MRPL42: variants seen among roughly 807,000 people sequenced by gnomAD.
MRPL42 encodes mitochondrial ribosomal protein L42, also known as large ribosomal subunit protein mL42.
MRPL42 carries 17 observed loss-of-function variants against 17.9 expected under a neutral mutation model. The ratio of observed to expected loss-of-function variants is 0.95; its 90% CI spans 0.65 to 1.42. The LOEUF (loss-of-function observed/expected upper bound fraction) is 1.42. Among genes scored for constraint, MRPL42 ranks in the 40% most tolerant of loss-of-function variants. MRPL42 has a pLI of 0.00. For missense variants in MRPL42, 177 were observed against 175.2 expected, an observed-to-expected ratio of 1.01 and a Z score of -0.06; for synonymous variants, 59 against 54.4, an observed-to-expected ratio of 1.08 and a Z score of -0.37.
rs1953711125 is a variant in MRPL42 at position 93,509,932 on chromosome 12, A to C, written c.*8711A>C. 6.6e-6 allele frequency: 1 copy of C among 152,046 alleles called. No individual in the cohort carries two copies. Among genetic ancestry groups the C allele is most frequent in the Admixed American group, 6.6e-5 (1 of 15,254 alleles). The allele number at this position is 152,046 out of a possible 1,614,324, so 9.4% of individuals were successfully genotyped here. A position where few individuals can be genotyped will look rare whatever the true frequency, so the allele number is the denominator to read the frequency against. On this transcript the variant is annotated 3_prime_UTR_variant, in exon 6 of 6. Transcript: ENST00000549982. ...GTGGCACATTGGTTACAATTGATAA[A>C]CCTACACTGACACATCATTATCACC...
chr12:93,487,530 G>C lies in MRPL42; in HGVS notation c.253G>C (p.Glu85Gln), dbSNP rs903484723. Reference protein sequence around the residue: ...IPRPDPVHNNEETHDQVLKTR... With the variant: ...IPRPDPVHNNQETHDQVLKTR... ...TCGGCCAGATCCTGTGCATAATAAT[G>C]AAGAAACACATGATCAAGTGCTGAA... The change falls in exon 5 of 6, where the codon GAA (glutamate) becomes CAA (glutamine). Residue 85 changes from glutamate (E) to glutamine (Q), a missense_variant. Transcript: ENST00000549982. The C allele has an allele frequency of 1.2e-6, 2 of 1,613,834 alleles. No homozygotes were observed. Among genetic ancestry groups the C allele is most frequent in the East Asian group, 4.5e-5 (2 of 44,864 alleles).
chr12:93,482,860 A>G (rs968634546), intron 4 of MRPL42, among the ~76,000 whole-genome samples: 2 of 151,386 alleles, frequency 1.3e-5, no homozygotes, highest in Non-Finnish European at 1.5e-5. Flanking sequence ...TGCCGGGCTT[A>G]CAAGCATGAG....
intron 5 of MRPL42, among the ~76,000 whole-genome samples, chr12:93,499,454 AT>A (rs1179890536): frequency 6.6e-6 from 1 of 152,190 alleles, no homozygotes; most frequent in East Asian, 1.9e-4. Flanking sequence ...CCTATTCAAA[AT>A]TTTTACAAAT....
Position 93,509,080 on chromosome 12 carries a change from C to A in MRPL42, c.*7859C>A, listed in dbSNP as rs1223423237. 6.6e-6 allele frequency: 1 copy of A among 150,878 alleles called. No homozygotes were observed. The highest frequency in any genetic ancestry group is 1.5e-5 in the Non-Finnish European group (1 of 67,974). 9.3% of individuals were successfully genotyped at this position (150,878 alleles called of 1,614,324 possible). On this transcript the variant is annotated 3_prime_UTR_variant, in exon 6 of 6. Coordinates refer to ENST00000549982, the MANE Select transcript of MRPL42 (RefSeq NM_014050.4). Reference sequence around the variant, plus strand: ...GCAGGCATCTGTAATCCTAGCTACTCAGGAGGCTGAGGCAGGAGAATCCCT... The same window carrying A: ...GCAGGCATCTGTAATCCTAGCTACTAAGGAGGCTGAGGCAGGAGAATCCCT...
intron 2 of MRPL42, among the ~76,000 whole-genome samples, chr12:93,471,239 C>T (rs1248136300): frequency 1.3e-5 from 2 of 152,174 alleles, no homozygotes; most frequent in Non-Finnish European, 2.9e-5. Context: ...TCTTGGCACA[C>T]TGCAACTTCT....
At position 93,487,642 on chromosome 12, in the gene MRPL42, G is replaced by A. The variant is rs770411356; in HGVS notation, c.365G>A (p.Arg122His). 48 of 1,611,784 alleles carry A rather than the reference G, an allele frequency of 3.0e-5. No homozygotes were observed. The highest frequency in any genetic ancestry group is 6.7e-5 in the African/African-American group (5 of 74,756). ...AAAATGTTCTTTACTACTAAGCACC[G>A]TTGGTATCCTCATGGACGGTAAGTT... ...LSKMFFTTKHRWYPHGRYHRC... is the reference protein window; with the variant it reads ...LSKMFFTTKHHWYPHGRYHRC... The change falls in exon 5 of 6, where the codon CGT becomes CAT. Residue 122 changes from arginine (R) to histidine (H), a missense_variant. Coordinates refer to ENST00000549982, the MANE Select transcript of MRPL42 (RefSeq NM_014050.4).
intron 4 of MRPL42, 129 bp from the exon 5 acceptor site, chr12:93,487,368 T>A: frequency 1.3e-6 from 1 of 748,994 alleles, no homozygotes; most frequent in Non-Finnish European, 2.0e-6. Context: ...TTTGTTTTGA[T>A]AACTTATTTG....
At chr12:93,470,521 G>A in intron 2 of MRPL42, 1 of 1,293,804 alleles carries the variant, frequency 7.7e-7, no homozygotes, top group East Asian at 5.6e-5. Context: ...TTACGTGGAT[G>A]TATTACATAT....
chr12:93,501,466 C>T lies in MRPL42; in HGVS notation c.*245C>T, dbSNP rs1482565887. 6 of 284,586 alleles carry T rather than the reference C, an allele frequency of 2.1e-5. No homozygotes were observed. The highest frequency in any genetic ancestry group is 3.9e-5 in the Non-Finnish European group (6 of 155,192). 17.6% of individuals were successfully genotyped at this position (284,586 alleles called of 1,614,324 possible). A position where few individuals can be genotyped will look rare whatever the true frequency, so the allele number is the denominator to read the frequency against. ...GTGCGGTCTCCAATTTAGGACTTTTCCATAGTGCCAAAGCCATACATATTC... is the reference window on the plus strand; with the variant it reads ...GTGCGGTCTCCAATTTAGGACTTTTTCATAGTGCCAAAGCCATACATATTC... On this transcript the variant is annotated 3_prime_UTR_variant, in exon 6 of 6. Transcript: ENST00000549982.
intron 5 of MRPL42, among the ~76,000 whole-genome samples, chr12:93,492,009 C>T (rs1281105953): frequency 6.6e-6 from 1 of 152,122 alleles, no homozygotes; most frequent in Non-Finnish European, 1.5e-5. Flanking sequence ...TTTCTTTATC[C>T]AGTTCACCAT....
chr12:93,497,288 T>C (rs1953523818), intron 5 of MRPL42, among the ~76,000 whole-genome samples: 1 of 151,966 alleles, frequency 6.6e-6, no homozygotes, highest in African/African-American at 2.4e-5. Context: ...AAAACAAAAC[T>C]ATGGGCCAGT....
rs778624535 is a variant in MRPL42 at position 93,469,257 on chromosome 12, A to C, written c.-29A>C. Reference sequence around the variant, plus strand: ...GTTTCTCTTCAGAACATCTTTTTTCATACCACTTGATAAGCATCTTGAAAC... The same window carrying C: ...GTTTCTCTTCAGAACATCTTTTTTCCTACCACTTGATAAGCATCTTGAAAC... On this transcript the variant is annotated 5_prime_UTR_variant, in exon 2 of 6. Transcript: ENST00000549982. 1 of 1,571,292 alleles carries C rather than the reference A, an allele frequency of 6.4e-7. No individual in the cohort carries two copies. Among genetic ancestry groups the C allele is most frequent in the South Asian group, 1.2e-5 (1 of 85,134 alleles).
rs983675428 is a variant in MRPL42, at chr12:93,514,744, C to T, written c.*13523C>T. 6.6e-6 allele frequency: 1 copy of T among 151,946 alleles called. No homozygotes were observed. The highest frequency in any genetic ancestry group is 1.5e-5 in the Non-Finnish European group (1 of 67,980). 9.4% of individuals were successfully genotyped at this position (151,946 alleles called of 1,614,324 possible). On this transcript the variant is annotated 3_prime_UTR_variant, in exon 6 of 6. Transcript: ENST00000549982. Reference sequence around the variant, plus strand: ...TATTTTTCTTTAAGCTTTATTTTTTCTTATTATCCATATGACATGTTTCCA... The same window carrying T: ...TATTTTTCTTTAAGCTTTATTTTTTTTTATTATCCATATGACATGTTTCCA...
In MRPL42 at chr12:93,480,386, G is replaced by A. The variant is rs367946490; in HGVS notation, c.219+914G>A. ...TCCGCCTGCCTCGGCCTCCCAAAGC[G>A]CTGGGATTACAGGCATGAGCCACCG... On this transcript the variant is annotated intron_variant, in intron 4 of 5. Coordinates refer to ENST00000549982, the MANE Select transcript of MRPL42 (RefSeq NM_014050.4). Among the ~76,000 whole-genome samples the A allele has an allele frequency of 1.2e-4, 18 of 152,104 alleles. No individual in the cohort carries two copies. In the East Asian group the frequency reaches 2.9e-3, roughly 25 times the overall value.
chr12:93,510,026 A>G lies in MRPL42; in HGVS notation c.*8805A>G, dbSNP rs1953711823. 6.6e-6 allele frequency: 1 copy of G among 152,176 alleles called. No individual in the cohort carries two copies. Among genetic ancestry groups the G allele is most frequent in the African/African-American group, 2.4e-5 (1 of 41,418 alleles). The allele number at this position is 152,176 out of a possible 1,614,324, so 9.4% of individuals were successfully genotyped here. ...AATCTATGGGTTTGAACAAAGGTAC[A>G]ATGACATGTATCCATCTTTATAGTC... On this transcript the variant is annotated 3_prime_UTR_variant, in exon 6 of 6. Coordinates refer to ENST00000549982, the MANE Select transcript of MRPL42 (RefSeq NM_014050.4).
intron 2 of MRPL42, 108 bp from the exon 3 acceptor site, chr12:93,476,846 T>G (rs1565810374): frequency 4.8e-6 from 5 of 1,036,716 alleles, no homozygotes; most frequent in Non-Finnish European, 7.5e-6. Context: ...ACAGGCCTGT[T>G]TCATACTAAA....
At chr12:93,490,358 T>A (rs1195105944) in intron 5 of MRPL42, among the ~76,000 whole-genome samples, 1 of 152,220 alleles carries the variant, frequency 6.6e-6, no homozygotes, top group African/African-American at 2.4e-5. Flanking sequence ...TACTAGGCGT[T>A]TTTTAATTGT....
intron 5 of MRPL42, among the ~76,000 whole-genome samples, chr12:93,489,501 A>G (rs992619159): frequency 6.7e-6 from 1 of 149,154 alleles, no homozygotes; most frequent in African/African-American, 2.5e-5. Flanking sequence ...TCTCTTTTGT[A>G]TCTCCTTCCT....
chr12:93,476,515 C>G lies in MRPL42; in HGVS notation c.71-439C>G, dbSNP rs545682890. On this transcript the variant is annotated intron_variant, in intron 2 of 5. Coordinates refer to ENST00000549982, the MANE Select transcript of MRPL42 (RefSeq NM_014050.4). ...TTGGAAAGGCTGGAGTACCCAAACA[C>G]TTTTATTTTTTTTCTTACCTGGAGT... 2.1e-3 allele frequency among the ~76,000 whole-genome samples: 321 copies of G among 152,278 alleles called. 1 individual carries two copies. The highest frequency in any genetic ancestry group is 7.5e-3 in the African/African-American group (311 of 41,566).
Sources: gnomAD v4.1 joint callset for allele counts (sites outside exome capture counted in the v4.1 genomes callset) on GRCh38, gnomAD v4.1.1 for gene constraint, MANE v1.5 for transcripts, NCBI Gene and HGNC (gene_info 2026-07-23, HGNC 2026-07-21) for gene names.